CTDP1: variants seen among roughly 807,000 people sequenced by gnomAD.
The protein encoded by CTDP1 is RNA polymerase II subunit A C-terminal domain phosphatase.
In CTDP1, 47 loss-of-function variants were observed where a neutral mutation model predicts 91.8. The ratio of observed to expected loss-of-function variants is 0.51; its 90% CI spans 0.41 to 0.65. CTDP1 has a LOEUF of 0.65. Ranked by LOEUF, CTDP1 falls within the 30% of genes least tolerant of loss-of-function variation. The pLI, the probability that CTDP1 is intolerant of heterozygous loss-of-function variation, is 0.00. For missense variants in CTDP1, 1,272 were observed against 1,373.7 expected, an observed-to-expected ratio of 0.93 and a Z score of 1.17; for synonymous variants, 656 against 598.5, an observed-to-expected ratio of 1.10 and a Z score of -1.40.
chr18:79,679,438 G>A (rs2085305172), upstream of CTDP1: 1 of 456,136 alleles, frequency 2.2e-6, no homozygotes, highest in African/African-American at 2.0e-5. Flanking sequence ...GTGCATGCCG[G>A]AACTCGTAGT....
At position 79,740,819 on chromosome 18, in the gene CTDP1, G is replaced by A. The variant is rs146218419; in HGVS notation, c.2747+4298G>A. On this transcript the variant is annotated intron_variant, in intron 12 of 12. Coordinates refer to ENST00000613122, the MANE Select transcript of CTDP1 (RefSeq NM_004715.5). ...CCTGTTCTATATGCAGCCGCCTGCCGGGCACTTTCACTCCTTAAAATAAAT... is the reference window on the plus strand; with the variant it reads ...CCTGTTCTATATGCAGCCGCCTGCCAGGCACTTTCACTCCTTAAAATAAAT... 2.0e-3 allele frequency among the ~76,000 whole-genome samples: 301 copies of A among 152,234 alleles called. 1 individual carries two copies. The highest frequency in any genetic ancestry group is 6.9e-3 in the African/African-American group (286 of 41,528).
At chr18:79,704,741 C>A in intron 4 of CTDP1, 26 bp from the exon 5 acceptor site, 2 of 1,612,600 alleles carry the variant, frequency 1.2e-6, no homozygotes, top group Non-Finnish European at 1.7e-6. Context: ...GCCTTTTCTC[C>A]CGACTGTTGC....
intron 1 of CTDP1, among the ~76,000 whole-genome samples, chr18:79,683,474 T>G (rs1448021381): frequency 1.3e-5 from 2 of 152,208 alleles, no homozygotes; most frequent in Non-Finnish European, 2.9e-5. Flanking sequence ...CAGAATCTGC[T>G]CCTGGGCTTG....
At chr18:79,744,537 A>G (rs953715391) in intron 12 of CTDP1, among the ~76,000 whole-genome samples, 1 of 152,268 alleles carries the variant, frequency 6.6e-6, no homozygotes, top group African/African-American at 2.4e-5. Context: ...GTCAGAGGCC[A>G]TCACCGTAGG....
intron 1 of CTDP1, among the ~76,000 whole-genome samples, chr18:79,692,306 C>G (rs1254487591): frequency 1.3e-5 from 2 of 152,106 alleles, no homozygotes; most frequent in Non-Finnish European, 2.9e-5. Context: ...TTCTGGGCAC[C>G]TTGGTGGGTC....
At chr18:79,751,202 A>G (rs1409213284) in intron 12 of CTDP1, among the ~76,000 whole-genome samples, 2 of 125,032 alleles carry the variant, frequency 1.6e-5, no homozygotes, top group East Asian at 5.4e-4. Context: ...CTGGGCACAG[A>G]AGACAGGCTA....
rs1456618186 is a variant in CTDP1 at position 79,707,453 on chromosome 18, C to T, written c.772+2536C>T. Among the ~76,000 whole-genome samples the T allele has an allele frequency of 5.3e-5, 8 of 152,364 alleles. No homozygotes were observed. In the East Asian group the frequency reaches 7.7e-4, roughly 15 times the overall value. On this transcript the variant is annotated intron_variant, in intron 5 of 12. Transcript: ENST00000613122. ...GTGGGCGCTTGGCTGCGGAGAGCCTCGAGCGCGGGTCCTCCTGCAGTGAGA... is the reference window on the plus strand; with the variant it reads ...GTGGGCGCTTGGCTGCGGAGAGCCTTGAGCGCGGGTCCTCCTGCAGTGAGA...
Position 79,736,351 on chromosome 18 carries a change from T to C in CTDP1, c.2581-4T>C. ...TCTGTCGCTGACTCTTGGCTGTTTG[T>C]CAGGTGGACGACATCCTTGGAGAAG... is the stretch of plus-strand genomic sequence containing the variant. On this transcript the variant is annotated splice_polypyrimidine_tract_variant and splice_region_variant and intron_variant, in intron 11 of 12. Transcript: ENST00000613122. 6.5e-7 allele frequency: 1 copy of C among 1,549,026 alleles called. No homozygotes were observed.
rs2085695494 is a variant in CTDP1 at position 79,694,305 on chromosome 18, CCACGGGG to C, written c.315-919_315-913del. Among the ~76,000 whole-genome samples, 24 of 106,662 alleles carry C rather than the reference CCACGGGG, an allele frequency of 2.3e-4. 1 individual carries two copies. The highest frequency in any genetic ancestry group is 6.8e-4 in the African/African-American group (20 of 29,374). 70.0% of individuals were successfully genotyped at this position (106,662 alleles called of 152,430 possible). ...CGCTGAGTGCTGGGCGGTCTCATGT[CCACGGGG>C]TGGGGTGGTCGGAGCAGCCCAGCTG... On this transcript the variant is annotated intron_variant, in intron 1 of 12. Coordinates refer to ENST00000613122, the MANE Select transcript of CTDP1 (RefSeq NM_004715.5).
At chr18:79,690,386 A>G (rs1467311043) in intron 1 of CTDP1, among the ~76,000 whole-genome samples, 2 of 152,178 alleles carry the variant, frequency 1.3e-5, no homozygotes, top group African/African-American at 4.8e-5. Flanking sequence ...GATTTTCTTT[A>G]GGACAAACCA....
At position 79,726,500 on chromosome 18, in the gene CTDP1, T is replaced by C. The variant is rs1175400529; in HGVS notation, c.2418-2407T>C. On this transcript the variant is annotated intron_variant, in intron 10 of 12. Coordinates refer to ENST00000613122, the MANE Select transcript of CTDP1 (RefSeq NM_004715.5). ...GTCCTTTTCTCCATAGTTTGAGATCTTCCTGGTTCTTGCTGTGGCAAGTGA... is the reference window on the plus strand; with the variant it reads ...GTCCTTTTCTCCATAGTTTGAGATCCTCCTGGTTCTTGCTGTGGCAAGTGA... 3.3e-5 allele frequency among the ~76,000 whole-genome samples: 5 copies of C among 152,166 alleles called. No homozygotes were observed. The South Asian group carries it at 6.2e-4, about 19-fold the overall frequency.
chr18:79,732,191 T>A (rs2086579776), intron 11 of CTDP1, among the ~76,000 whole-genome samples: 1 of 129,784 alleles, frequency 7.7e-6, no homozygotes, highest in African/African-American at 3.0e-5. Flanking sequence ...ACGTAAGAAC[T>A]CGCTGTCATC....
chr18:79,751,473 T>C (rs760550144), intron 12 of CTDP1, among the ~76,000 whole-genome samples: 2 of 152,122 alleles, frequency 1.3e-5, no homozygotes, highest in African/African-American at 4.8e-5. Context: ...CCACGAACAG[T>C]TGGGTTCTCT....
intron 11 of CTDP1, among the ~76,000 whole-genome samples, chr18:79,733,471 T>C (rs1411356171): frequency 6.6e-6 from 1 of 152,116 alleles, no homozygotes; most frequent in East Asian, 1.9e-4. Flanking sequence ...TGTACACCCC[T>C]GCGGAAAAGC....
At position 79,688,848 on chromosome 18, in the gene CTDP1, T is replaced by C. The variant is rs192538999; in HGVS notation, c.315-6377T>C. On this transcript the variant is annotated intron_variant, in intron 1 of 12. Coordinates refer to ENST00000613122, the MANE Select transcript of CTDP1 (RefSeq NM_004715.5). ...AGCCACCACACCCAGCCACTCTGGC[T>C]CTTTTGGGACATAATTTTTGACCTT... is the stretch of plus-strand genomic sequence containing the variant. Among the ~76,000 whole-genome samples, 602 of 152,372 alleles carry C rather than the reference T, an allele frequency of 4.0e-3. 16 individuals are homozygous for C. Among genetic ancestry groups the C allele is most frequent in the East Asian group, 2.9e-3 (15 of 5,184 alleles).
chr18:79,717,414 G>A (rs1305398536), intron 8 of CTDP1, 121 bp from the exon 9 acceptor site: 2 of 1,426,034 alleles, frequency 1.4e-6, no homozygotes, highest in African/African-American at 2.8e-5. Flanking sequence ...ATGCAGCCGA[G>A]TGAGGGCCCT....
intron 1 of CTDP1, chr18:79,681,007 G>A (rs2085353076): frequency 1.3e-5 from 2 of 152,330 alleles, no homozygotes; most frequent in African/African-American, 4.8e-5. Flanking sequence ...AGAAACTCCA[G>A]GGAGAGGTGG....
intron 10 of CTDP1, among the ~76,000 whole-genome samples, chr18:79,728,611 C>T (rs902866079): frequency 3.3e-5 from 4 of 122,674 alleles, no homozygotes; most frequent in Non-Finnish European, 5.7e-5. Flanking sequence ...TTCTAAGATG[C>T]CAGAGCCTGG....
rs1157549079 is a variant in CTDP1, at chr18:79,713,210, T to C, written c.1030+72T>C. 3 of 1,460,136 alleles carry C rather than the reference T, an allele frequency of 2.1e-6. No homozygotes were observed. Among genetic ancestry groups the C allele is most frequent in the Non-Finnish European group, 2.8e-6 (3 of 1,056,680 alleles). 90.4% of individuals were successfully genotyped at this position (1,460,136 alleles called of 1,614,324 possible). On this transcript the variant is annotated intron_variant, in intron 7 of 12. Transcript: ENST00000613122. This position sits in a 1 kb window ranked among gnomAD's most constrained non-coding sequence, Gnocchi z 4.7. ...ATTGTTTAGCTCTTCTTATTTCTTA[T>C]CTCTGTTTTGACTGCTATAAATTCA...
Sources: gnomAD v4.1 joint callset for allele counts (sites outside exome capture counted in the v4.1 genomes callset) on GRCh38, gnomAD v4.1.1 for gene constraint, Gnocchi (gnomAD v3.1) non-coding constraint, MANE v1.5 for transcripts, NCBI Gene and HGNC (gene_info 2026-07-23, HGNC 2026-07-21) for gene names.